The following RALYL variants were observed in gnomAD, a reference collection of about 807,000 sequenced individuals.
RALYL encodes RNA-binding Raly-like protein.
In RALYL, 29 loss-of-function variants were observed where a neutral mutation model predicts 35.1. The ratio of observed to expected loss-of-function variants is 0.83; its 90% CI spans 0.61 to 1.13. The LOEUF (loss-of-function observed/expected upper bound fraction) is 1.13. Ranked by LOEUF, RALYL falls within the 50% of genes most tolerant of loss-of-function variation. The probability of loss-of-function intolerance (pLI) is 0.00; values close to 1 mark genes in which losing one functional copy is unlikely to be tolerated. For missense variants in RALYL, 359 were observed against 360.4 expected (o/e 1.00, Z 0.03); for synonymous variants, 120 against 127.6 (o/e 0.94, Z 0.40).
At chr8:84,293,478 C>T (rs1296212994) in intron 1 of RALYL, among the ~76,000 whole-genome samples, 1 of 152,066 alleles carries the variant, frequency 6.6e-6, no homozygotes, top group Non-Finnish European at 1.5e-5. Flanking sequence ...CATTTCTACA[C>T]ATCACCTCTT....
intron 2 of RALYL, among the ~76,000 whole-genome samples, chr8:84,681,042 G>C (rs1029372999): frequency 2.0e-5 from 3 of 151,544 alleles, no homozygotes; most frequent in African/African-American, 7.3e-5. Context: ...GTGTAAGGAA[G>C]GGATCCAGTT....
chr8:84,797,334 T>C (rs572972200), intron 3 of RALYL, among the ~76,000 whole-genome samples: 6 of 152,338 alleles, frequency 3.9e-5, no homozygotes, highest in African/African-American at 1.4e-4. Context: ...ACGTGAGTTT[T>C]AGAGAGGACA....
At chr8:84,824,262 C>CA (rs34410756) in intron 4 of RALYL, among the ~76,000 whole-genome samples, 58,323 of 147,830 alleles carry the variant, frequency 0.39, 13,520 homozygotes, top group African/African-American at 0.64. Flanking sequence ...ACAATAGCTG[C>CA]AAAAAAAAAA....
intron 2 of RALYL, among the ~76,000 whole-genome samples, chr8:84,628,384 T>C (rs1379091882): frequency 6.6e-6 from 1 of 152,102 alleles, no homozygotes; most frequent in African/African-American, 2.4e-5. Flanking sequence ...ATAGGCATGA[T>C]TGTGTATTTT....
chr8:84,470,112 C>T (rs980105559), intron 1 of RALYL, among the ~76,000 whole-genome samples: 12 of 152,180 alleles, frequency 7.9e-5, no homozygotes, highest in Admixed American at 2.0e-4. Flanking sequence ...GCGTCGCTCA[C>T]GCTGGGAGCT....
chr8:84,299,605 C>G (rs1164564449), intron 1 of RALYL, among the ~76,000 whole-genome samples: 1 of 151,614 alleles, frequency 6.6e-6, no homozygotes, highest in African/African-American at 2.4e-5. Context: ...CCAGGGCTTT[C>G]CCTGGTTGGT....
At chr8:84,868,164 C>G (rs1839524143) in intron 6 of RALYL, among the ~76,000 whole-genome samples, 1 of 152,078 alleles carries the variant, frequency 6.6e-6, no homozygotes, top group Non-Finnish European at 1.5e-5. Context: ...CCACTCTAAA[C>G]TTGAATTGTT....
At chr8:84,745,386 G>C (rs1296815632) in intron 2 of RALYL, among the ~76,000 whole-genome samples, 1 of 151,978 alleles carries the variant, frequency 6.6e-6, no homozygotes. Flanking sequence ...AAAAATTTTA[G>C]TGCTACACAC....
rs139230780 is a variant in RALYL, at chr8:84,850,541, A to G, written c.413+514A>G. 1.9e-3 allele frequency among the ~76,000 whole-genome samples: 287 copies of G among 152,368 alleles called. 2 individuals carry two copies. The highest frequency in any genetic ancestry group is 6.4e-3 in the African/African-American group (268 of 41,588). On this transcript the variant is annotated intron_variant, in intron 5 of 8. Coordinates refer to ENST00000521268, the MANE Select transcript of RALYL (RefSeq NM_173848.7). ...AAAACAGGATTGTCTCATGATCTTA[A>G]ACATGTTTGTCAAAACATTAACAAC...
intron 1 of RALYL, among the ~76,000 whole-genome samples, chr8:84,452,850 T>C (rs961284920): frequency 1.3e-5 from 2 of 151,996 alleles, no homozygotes; most frequent in Non-Finnish European, 2.9e-5. Flanking sequence ...TTTGAATTTG[T>C]GTATATATGT....
intron 4 of RALYL, among the ~76,000 whole-genome samples, chr8:84,848,435 G>GTCTA (rs1476104342): frequency 8.4e-6 from 1 of 119,532 alleles, no homozygotes; most frequent in Non-Finnish European, 2.0e-5. Flanking sequence ...ATGTGTGTGT[G>GTCTA]TGTATATATA....
intron 1 of RALYL, among the ~76,000 whole-genome samples, chr8:84,377,443 G>C (rs187494656): frequency 2.8e-5 from 4 of 141,254 alleles, no homozygotes; most frequent in Non-Finnish European, 6.0e-5. Context: ...TATCATCAAA[G>C]GTTAACTGTT....
At chr8:84,619,694 G>A (rs1464467350) in intron 2 of RALYL, among the ~76,000 whole-genome samples, 2 of 151,388 alleles carry the variant, frequency 1.3e-5, no homozygotes, top group Non-Finnish European at 2.9e-5. Context: ...AGTCTCGATG[G>A]TCTTTACATT....
chr8:84,509,835 TG>T (rs1415053719), intron 1 of RALYL, among the ~76,000 whole-genome samples: 4 of 152,198 alleles, frequency 2.6e-5, no homozygotes. Flanking sequence ...TGTGTTCATA[TG>T]GGTGTATTTC....
intron 2 of RALYL, among the ~76,000 whole-genome samples, chr8:84,596,168 G>GCAAA (rs1814477964): frequency 6.6e-6 from 1 of 152,016 alleles, no homozygotes; most frequent in Non-Finnish European, 1.5e-5. Context: ...CAGGGTTTTT[G>GCAAA]GTTCTACATA....
intron 6 of RALYL, among the ~76,000 whole-genome samples, chr8:84,870,387 A>G (rs999860859): frequency 1.3e-5 from 2 of 151,602 alleles, no homozygotes; most frequent in African/African-American, 4.8e-5. Context: ...CCTCCCAAGT[A>G]GCTGGGATTA....
At chr8:84,854,086 G>A (rs184079393) in intron 5 of RALYL, among the ~76,000 whole-genome samples, 4 of 152,198 alleles carry the variant, frequency 2.6e-5, no homozygotes, top group Admixed American at 2.0e-4. Flanking sequence ...GGTGGCTCAC[G>A]CCTGATCCCA....
At chr8:84,764,330 A>T (rs1813386727) in intron 2 of RALYL, among the ~76,000 whole-genome samples, 1 of 152,218 alleles carries the variant, frequency 6.6e-6, no homozygotes, top group African/African-American at 2.4e-5. Flanking sequence ...GGCACCGGGC[A>T]TATGTTGTAT....
At chr8:84,654,638 A>G (rs950114386) in intron 2 of RALYL, among the ~76,000 whole-genome samples, 3 of 151,942 alleles carry the variant, frequency 2.0e-5, no homozygotes, top group Non-Finnish European at 4.4e-5. Flanking sequence ...CAGGAGTTCA[A>G]TTGTTTTAAT....
Sources: gnomAD v4.1 joint callset for allele counts (sites outside exome capture counted in the v4.1 genomes callset) on GRCh38, gnomAD v4.1.1 for gene constraint, MANE v1.5 for transcripts, NCBI Gene and HGNC (gene_info 2026-07-23, HGNC 2026-07-21) for gene names.